DYM: variants seen among roughly 807,000 people sequenced by gnomAD.
DYM encodes the protein dyggve-Melchior-Clausen syndrome protein.
A neutral mutation model predicts 93.1 loss-of-function variants in DYM; 78 were observed. The observed-to-expected ratio is 0.84, with a 90% confidence interval of 0.70 to 1.01. The LOEUF (loss-of-function observed/expected upper bound fraction) is 1.01. DYM is among the 50% of genes least tolerant of loss of function. DYM has a pLI of 0.00. For synonymous variants in DYM, 321 were observed against 319.7 expected (o/e 1.00, Z -0.04); for missense variants, 789 against 845.0 (o/e 0.93, Z 0.82).
chr18:49,232,678 G>A (rs1396008667), intron 13 of DYM, among the ~76,000 whole-genome samples: 1 of 140,874 alleles, frequency 7.1e-6, no homozygotes. Flanking sequence ...GCGAGATCTC[G>A]GCTCACTGCA....
chr18:49,411,210 C>T (rs1424674547), intron 2 of DYM, among the ~76,000 whole-genome samples: 2 of 152,012 alleles, frequency 1.3e-5, no homozygotes, highest in African/African-American at 4.8e-5. Context: ...TAAGGCAAAC[C>T]CACATAATAT....
intron 13 of DYM, among the ~76,000 whole-genome samples, chr18:49,215,399 T>C (rs2092984981): frequency 1.3e-5 from 2 of 152,232 alleles, no homozygotes; most frequent in African/African-American, 4.8e-5. Context: ...TGAGAATTGC[T>C]GGTGCATGGT....
intron 8 of DYM, among the ~76,000 whole-genome samples, chr18:49,289,760 T>TAC (rs1568181206): frequency 2.7e-5 from 1 of 37,570 alleles, no homozygotes; most frequent in African/African-American, 1.0e-4. Flanking sequence ...TATATATATA[T>TAC]ATATATATAT....
At position 49,379,668 on chromosome 18, in the gene DYM, T is replaced by C. The variant is rs753743032; in HGVS notation, c.284A>G (p.Gln95Arg). Reference protein sequence around the residue: ...TKELKLSAECQNHIFIWQTHN... With the variant: ...TKELKLSAECRNHIFIWQTHN... ...ATGGTTTAATTAGCCAGCTTACTTC[T>C]GACATTCTGCTGAAAGTTTTAGTTC... The change falls in exon 4 of 18, where the codon CAG (glutamine) becomes CGG (arginine). Residue 95 changes from glutamine (Q) to arginine (R), a missense_variant. Physicochemically the swap from Gln to Arg is conservative, Grantham distance 43 (BLOSUM62 1). Coordinates refer to ENST00000675505, the MANE Select transcript of DYM (RefSeq NM_001353214.3). 6.2e-7 allele frequency: 1 copy of C among 1,609,666 alleles called. No homozygotes were observed. The highest frequency in any genetic ancestry group is 1.3e-5 in the African/African-American group (1 of 74,972).
chr18:49,132,066 A>T (rs2083426875), intron 15 of DYM, among the ~76,000 whole-genome samples: 1 of 152,242 alleles, frequency 6.6e-6, no homozygotes, highest in Non-Finnish European at 1.5e-5. Context: ...AAATGTTAAT[A>T]TGCTGTGCAT....
chr18:49,259,453 C>A (rs576405349), intron 11 of DYM, among the ~76,000 whole-genome samples: 7 of 152,218 alleles, frequency 4.6e-5, no homozygotes, highest in African/African-American at 1.7e-4. Flanking sequence ...AAACAGATAA[C>A]CCAGTTTCTT....
At chr18:49,356,362 G>A (rs559474528) in intron 6 of DYM, among the ~76,000 whole-genome samples, 8 of 152,160 alleles carry the variant, frequency 5.3e-5, no homozygotes, top group Admixed American at 1.3e-4. Flanking sequence ...AACTTAATAC[G>A]TAATACTGTC....
chr18:49,189,462 T>C (rs1022917443), intron 14 of DYM, among the ~76,000 whole-genome samples: 1 of 152,222 alleles, frequency 6.6e-6, no homozygotes, highest in African/African-American at 2.4e-5. Context: ...TATCATATTT[T>C]ATCTCCAGAG....
Position 49,202,767 on chromosome 18 carries a change from G to T in DYM, c.1625+6784C>A, listed in dbSNP as rs1433175217. ...AGACCCTCTGCCTGGCAACCACCCC[G>T]TCTGAGAAGTGAGGAGCCCCTCCGC... is the stretch of plus-strand genomic sequence containing the variant. On this transcript the variant is annotated intron_variant, in intron 14 of 17. Transcript: ENST00000675505. Among the ~76,000 whole-genome samples the T allele has an allele frequency of 8.3e-3, 307 of 37,034 alleles. 14 individuals are homozygous for T. The South Asian group carries it at 0.097, about 12-fold the overall frequency. 24.3% of individuals were successfully genotyped at this position (37,034 alleles called of 152,430 possible). A position where few individuals can be genotyped will look rare whatever the true frequency, so the allele number is the denominator to read the frequency against.
rs141004400 is a variant in DYM, at chr18:49,253,880, C to T, written c.1460+3130G>A. Among the ~76,000 whole-genome samples the T allele has an allele frequency of 1.7e-3, 259 of 152,220 alleles. 1 individual carries two copies. Among genetic ancestry groups the T allele is most frequent in the African/African-American group, 5.7e-3 (238 of 41,518 alleles). On this transcript the variant is annotated intron_variant, in intron 13 of 17. Coordinates refer to ENST00000675505, the MANE Select transcript of DYM (RefSeq NM_001353214.3). ...GACCTTCTTTTCTCTCCATTCCTTT[C>T]GATTATTCTAAACTGTGAGTCCAAC...
At chr18:49,065,504 A>C (rs2076322830) in intron 17 of DYM, among the ~76,000 whole-genome samples, 1 of 152,214 alleles carries the variant, frequency 6.6e-6, no homozygotes, top group Non-Finnish European at 1.5e-5. Flanking sequence ...CTGGGATTAC[A>C]GGGATGCACC....
At position 49,257,096 on chromosome 18, in the gene DYM, G is replaced by C; in HGVS notation, c.1374C>G (p.Tyr458Ter). 1 of 1,613,650 alleles carries C rather than the reference G, an allele frequency of 6.2e-7. No homozygotes were observed. Among genetic ancestry groups the C allele is most frequent in the Non-Finnish European group, 8.5e-7 (1 of 1,179,642 alleles). The change falls in exon 13 of 18, where the codon TAC becomes TAG. Residue 458 changes from tyrosine (Y) to a stop codon, truncating the protein, a stop_gained. Coordinates refer to ENST00000675505, the MANE Select transcript of DYM (RefSeq NM_001353214.3). LOFTEE classifies it high-confidence loss of function. ...AAGCTGCCAAACAATTTGTGTGAAGGTACTTGTCCTGTGAGGAAACAGCGG... is the reference window on the plus strand; with the variant it reads ...AAGCTGCCAAACAATTTGTGTGAAGCTACTTGTCCTGTGAGGAAACAGCGG... ...QYNMTRTRDKYLHTNCLAALA... is the reference protein window; with the variant it reads ...QYNMTRTRDK
In DYM at chr18:49,331,883, T is replaced by G. The variant is rs999969653; in HGVS notation, c.744A>C (p.Gly248=). ...QQSDGGGLLY[G]LASGVATGLW... The stretch of plus-strand genomic sequence containing the variant: ...ACTTACTTGCTACTCCTGATGCAAG[T>G]CCATAAAGCAGTCCTCCCCCATCCG... Residue 248 remains glycine (G), a synonymous_variant, in exon 8 of 18, where the codon GGA becomes GGC. Transcript: ENST00000675505. The G allele has an allele frequency of 3.1e-6, 5 of 1,613,926 alleles. No individual in the cohort carries two copies. The highest frequency in any genetic ancestry group is 1.6e-4 in the Middle Eastern group (1 of 6,084).
intron 2 of DYM, among the ~76,000 whole-genome samples, chr18:49,415,642 G>C (rs1488767783): frequency 6.6e-6 from 1 of 151,906 alleles, no homozygotes; most frequent in Non-Finnish European, 1.5e-5. Flanking sequence ...AAAAAGTAGG[G>C]TGTGGCTGGG....
chr18:49,080,325 C>T (rs1198848910), intron 17 of DYM, among the ~76,000 whole-genome samples: 6 of 132,816 alleles, frequency 4.5e-5, no homozygotes, highest in East Asian at 2.4e-4. Flanking sequence ...GGTGGCTGGC[C>T]GGGCGGGGGG....
chr18:49,044,089 T>C lies in DYM; in HGVS notation c.2141A>G (p.Gln714Arg). The C allele has an allele frequency of 6.2e-7, 1 of 1,614,008 alleles. No homozygotes were observed. The highest frequency in any genetic ancestry group is 8.5e-7 in the Non-Finnish European group (1 of 1,180,028). ...NSAVGLYWNP[Q>R]DIQLFTMDSD ...ATCCATGGTGAACAGCTGGATGTCC[T>C]GTGGATTCCAGTACAGGCCGACTGC... Residue 714 changes from glutamine to arginine, a missense_variant, in exon 18 of 18, where the codon CAG becomes CGG. Physicochemically the swap from Gln to Arg is conservative, Grantham distance 43 (BLOSUM62 1). Around this residue, in one of 3 missense-constraint regions of DYM, gnomAD observed 114 missense variants for 105.8 expected, o/e 1.08. Transcript: ENST00000675505.
Position 49,378,555 on chromosome 18 carries a change from A to C in DYM, c.421+12T>G, listed in dbSNP as rs1466701189. On this transcript the variant is annotated intron_variant, in intron 5 of 17. Transcript: ENST00000675505. ...ATGATATATCCAGAACATCTTTAAAAACAATACTTACTGTAATTGCCAGGA... is the reference window on the plus strand; with the variant it reads ...ATGATATATCCAGAACATCTTTAAACACAATACTTACTGTAATTGCCAGGA... The C allele has an allele frequency of 6.2e-7, 1 of 1,604,128 alleles. No homozygotes were observed. The highest frequency in any genetic ancestry group is 8.5e-7 in the Non-Finnish European group (1 of 1,171,610).
intron 1 of DYM, among the ~76,000 whole-genome samples, chr18:49,448,939 G>A (rs1474294206): frequency 1.3e-5 from 2 of 152,184 alleles, no homozygotes; most frequent in Non-Finnish European, 2.9e-5. Context: ...CAAAATGAGA[G>A]AAGCAACTTC....
chr18:49,456,284 A>G (rs909543288), intron 1 of DYM, among the ~76,000 whole-genome samples: 17 of 152,222 alleles, frequency 1.1e-4, no homozygotes, highest in African/African-American at 4.1e-4. Context: ...TTCTTTTACA[A>G]AAGAAACAAA....
Sources: allele counts gnomAD v4.1 joint callset (sites outside exome capture counted in the v4.1 genomes callset), GRCh38; gene constraint gnomAD v4.1.1; regional missense constraint gnomAD v4.1.1; transcripts MANE v1.5; gene names NCBI Gene and HGNC (gene_info 2026-07-23, HGNC 2026-07-21).